ZKSCAN1: variants seen among roughly 807,000 people sequenced by gnomAD.
ZKSCAN1 encodes the protein zinc finger protein with KRAB and SCAN domains 1.
ZKSCAN1 carries 14 observed loss-of-function variants against 51.6 expected under a neutral mutation model. That is an observed-to-expected ratio of 0.27 (90% CI 0.18 to 0.42). ZKSCAN1 has a LOEUF of 0.42. ZKSCAN1 is among the 10% of genes least tolerant of loss of function. The pLI, the probability that ZKSCAN1 is intolerant of heterozygous loss-of-function variation, is 1.00. For synonymous variants in ZKSCAN1, 263 were observed against 261.5 expected, an observed-to-expected ratio of 1.01 and a Z score of -0.06; for missense variants, 531 against 710.0, an observed-to-expected ratio of 0.75 and a Z score of 2.86.
chr7:100,018,690 C>T (rs967510238), intron 1 of ZKSCAN1, among the ~76,000 whole-genome samples: 7 of 152,174 alleles, frequency 4.6e-5, no homozygotes, highest in Middle Eastern at 3.2e-3. Context: ...CCCGGCGCAT[C>T]ATGAGAAATT....
intron 1 of ZKSCAN1, chr7:100,016,953 CAT>C (rs1361348068): frequency 1.3e-5 from 2 of 152,164 alleles, no homozygotes; most frequent in Non-Finnish European, 2.9e-5. Context: ...TCTGAATTAA[CAT>C]ATAAGATTCT....
intron 1 of ZKSCAN1, among the ~76,000 whole-genome samples, chr7:100,017,742 T>C (rs537062776): frequency 6.6e-6 from 1 of 152,338 alleles, no homozygotes; most frequent in Admixed American, 6.5e-5. Context: ...AGTTTCCTAC[T>C]ATCTGGAACC....
At chr7:100,044,760 C>A (rs1028400673), downstream of ZKSCAN1, 29 of 981,806 alleles carry the variant, frequency 3.0e-5, 1 homozygote, top group Non-Finnish European at 3.4e-5. Flanking sequence ...CACTTTCATT[C>A]TCTTTTCCTT....
intron 1 of ZKSCAN1, among the ~76,000 whole-genome samples, chr7:100,021,116 CTTTTTTTTTTTTTTT>C (rs60632908): frequency 3.5e-5 from 3 of 85,294 alleles, no homozygotes; most frequent in Non-Finnish European, 6.5e-5. Context: ...TTTTTTTTTC[CTTTTTTTTTTTTTTT>C]TTTTTTTGAG....
rs1791050907 is a variant in ZKSCAN1, at chr7:100,030,275, T to C, written c.699T>C (p.Ala233=). ...SQAMVKIEDM[A]VSLILEEWGC... ...CAATGGTGAAGATCGAGGACATGGC[T>C]GTGTCCCTCATTCTGGAGGAATGGG... The change falls in exon 5 of 6, where the codon GCT becomes GCC. Residue 233 remains alanine (A), a synonymous_variant. Coordinates refer to ENST00000324306, the MANE Select transcript of ZKSCAN1 (RefSeq NM_003439.4). 6.2e-7 allele frequency: 1 copy of C among 1,612,330 alleles called. No individual in the cohort carries two copies. Among genetic ancestry groups the C allele is most frequent in the South Asian group, 1.1e-5 (1 of 90,964 alleles).
At chr7:100,032,200 A>G (rs1023000226) in intron 5 of ZKSCAN1, among the ~76,000 whole-genome samples, 1 of 152,234 alleles carries the variant, frequency 6.6e-6, no homozygotes, top group Non-Finnish European at 1.5e-5. Flanking sequence ...ATCATTTTCT[A>G]TGAAAGACCT....
chr7:100,038,191 T>G lies in ZKSCAN1; in HGVS notation c.*3994T>G, dbSNP rs1333333232. 34 of 985,340 alleles carry G rather than the reference T, an allele frequency of 3.5e-5. No individual in the cohort carries two copies. The highest frequency in any genetic ancestry group is 4.1e-5 in the Non-Finnish European group (34 of 829,942). 61.0% of individuals were successfully genotyped at this position (985,340 alleles called of 1,614,324 possible). The stretch of plus-strand genomic sequence containing the variant: ...ATATGACCATAATGTCCGTGTGTGT[T>G]TTGTACCTTCAGTCCCTTGTTATTG... On this transcript the variant is annotated 3_prime_UTR_variant, in exon 6 of 6. Coordinates refer to ENST00000324306, the MANE Select transcript of ZKSCAN1 (RefSeq NM_003439.4).
chr7:100,039,820 G>A lies in ZKSCAN1; in HGVS notation c.*5623G>A. The A allele has an allele frequency of 1.0e-6, 1 of 985,394 alleles. No individual in the cohort carries two copies. Among genetic ancestry groups the A allele is most frequent in the South Asian group, 4.7e-5 (1 of 21,286 alleles). The allele number at this position is 985,394 out of a possible 1,614,324, so 61.0% of individuals were successfully genotyped here. A position where few individuals can be genotyped will look rare whatever the true frequency, so the allele number is the denominator to read the frequency against. On this transcript the variant is annotated 3_prime_UTR_variant, in exon 6 of 6. Transcript: ENST00000324306. Reference sequence around the variant, plus strand: ...AGGGTTTTCCCATCTGGGAAATGGGGTGAAAGTCTGCAGATTGTTAAATGA... The same window carrying A: ...AGGGTTTTCCCATCTGGGAAATGGGATGAAAGTCTGCAGATTGTTAAATGA...
chr7:100,022,880 AC>A (rs1437635928), intron 1 of ZKSCAN1, among the ~76,000 whole-genome samples: 7 of 152,138 alleles, frequency 4.6e-5, no homozygotes, highest in Non-Finnish European at 1.0e-4. Flanking sequence ...CCTGCTGTCA[AC>A]CTGCAGGTAA....
intron 5 of ZKSCAN1, among the ~76,000 whole-genome samples, chr7:100,030,920 C>A (rs1791078543): frequency 6.6e-6 from 1 of 152,172 alleles, no homozygotes; most frequent in South Asian, 2.1e-4. Context: ...GATGAGGATT[C>A]CCAGCTTCCA....
At chr7:100,021,101 T>C (rs1049243854) in intron 1 of ZKSCAN1, among the ~76,000 whole-genome samples, 12 of 149,106 alleles carry the variant, frequency 8.0e-5, no homozygotes, top group African/African-American at 2.9e-4. Context: ...TATTTCCAAG[T>C]TTCTTTTTTT....
intron 3 of ZKSCAN1, among the ~76,000 whole-genome samples, chr7:100,026,193 C>T (rs1057175650): frequency 5.1e-5 from 7 of 136,520 alleles, no homozygotes; most frequent in Non-Finnish European, 7.6e-5. Context: ...GTCATGCCAT[C>T]GCACTCCAGC....
In ZKSCAN1 at chr7:100,023,975, C is replaced by T. The variant is rs75048145; in HGVS notation, c.426+43C>T. On this transcript the variant is annotated intron_variant, in intron 2 of 5. Coordinates refer to ENST00000324306, the MANE Select transcript of ZKSCAN1 (RefSeq NM_003439.4). ...CTATTATGTGTGAGCAGGGCACAGA[C>T]GTTGAAACTGGAGCCAGGAGAAGTA... 3.7e-4 allele frequency: 562 copies of T among 1,529,352 alleles called. 1 individual carries two copies. The highest frequency in any genetic ancestry group is 4.8e-4 in the Non-Finnish European group (547 of 1,144,810). 94.7% of individuals were successfully genotyped at this position (1,529,352 alleles called of 1,614,324 possible).
intron 1 of ZKSCAN1, among the ~76,000 whole-genome samples, chr7:100,016,207 C>T (rs1790356142): frequency 6.6e-6 from 1 of 152,120 alleles, no homozygotes; most frequent in African/African-American, 2.4e-5. Flanking sequence ...TTTGAGGTGC[C>T]GCATACGTTT....
Position 100,038,585 on chromosome 7 carries a change from C to T in ZKSCAN1, c.*4388C>T. 2.0e-6 allele frequency: 2 copies of T among 985,444 alleles called. No homozygotes were observed. Among genetic ancestry groups the T allele is most frequent in the Non-Finnish European group, 2.4e-6 (2 of 829,942 alleles). 61.0% of individuals were successfully genotyped at this position (985,444 alleles called of 1,614,324 possible). ...TCTCTTGTCAGTAGACGGTCTTCTC[C>T]ATGAAGCGAGAGTAGGAAGTGTACT... On this transcript the variant is annotated 3_prime_UTR_variant, in exon 6 of 6. Coordinates refer to ENST00000324306, the MANE Select transcript of ZKSCAN1 (RefSeq NM_003439.4).
intron 1 of ZKSCAN1, among the ~76,000 whole-genome samples, chr7:100,018,124 G>A (rs1173289097): frequency 6.6e-6 from 1 of 152,136 alleles, no homozygotes; most frequent in African/African-American, 2.4e-5. Flanking sequence ...TTAACTTGTT[G>A]ACTTGCCTAA....
chr7:100,033,155 G>A lies in ZKSCAN1; in HGVS notation c.800-150G>A, dbSNP rs1791185440. 4 of 1,356,802 alleles carry A rather than the reference G, an allele frequency of 2.9e-6. No homozygotes were observed. 84.0% of individuals were successfully genotyped at this position (1,356,802 alleles called of 1,614,324 possible). ...TCACTGCACTCCAGCCTGGGCGACA[G>A]AGCGAGACTCTGTCTCAAAGGAAAT... On this transcript the variant is annotated intron_variant, in intron 5 of 5. Coordinates refer to ENST00000324306, the MANE Select transcript of ZKSCAN1 (RefSeq NM_003439.4). The surrounding 1 kb of genome is among the most constrained non-coding windows in gnomAD (Gnocchi z 4.1).
chr7:100,021,108 T>A (rs917961285), intron 1 of ZKSCAN1, among the ~76,000 whole-genome samples: 1 of 140,250 alleles, frequency 7.1e-6, no homozygotes, highest in East Asian at 2.3e-4. Flanking sequence ...AAGTTTCTTT[T>A]TTTTTTCCTT....
rs553765134 is a variant in ZKSCAN1, at chr7:100,038,497, C to G, written c.*4300C>G. ...TAAACGTGCAGCCTTTTGAATTTTT[C>G]CTCAAAACCAAGAAGTTGACCTCTG... On this transcript the variant is annotated 3_prime_UTR_variant, in exon 6 of 6. Coordinates refer to ENST00000324306, the MANE Select transcript of ZKSCAN1 (RefSeq NM_003439.4). The G allele has an allele frequency of 2.0e-6, 2 of 985,308 alleles. No individual in the cohort carries two copies. The highest frequency in any genetic ancestry group is 3.5e-5 in the African/African-American group (2 of 57,220). The allele number at this position is 985,308 out of a possible 1,614,324, so 61.0% of individuals were successfully genotyped here.
Sources: gnomAD v4.1 joint callset for allele counts (sites outside exome capture counted in the v4.1 genomes callset) on GRCh38, gnomAD v4.1.1 for gene constraint, Gnocchi (gnomAD v3.1) non-coding constraint, MANE v1.5 for transcripts, NCBI Gene and HGNC (gene_info 2026-07-23, HGNC 2026-07-21) for gene names.